The following PALM2AKAP2 variants were observed in gnomAD, a reference collection of about 807,000 sequenced individuals.
PALM2AKAP2 encodes PALM2 and AKAP2 fusion.
PALM2AKAP2 carries 37 observed loss-of-function variants against 71.5 expected under a neutral mutation model. The ratio of observed to expected loss-of-function variants is 0.52; its 90% CI spans 0.40 to 0.68. The LOEUF is 0.68. PALM2AKAP2 is among the 30% of genes least tolerant of loss of function. The pLI is 0.00. For missense variants in PALM2AKAP2, 1,224 were observed against 1,191.8 expected, an observed-to-expected ratio of 1.03 and a Z score of -0.40; for synonymous variants, 468 against 478.8, an observed-to-expected ratio of 0.98 and a Z score of 0.29.
intron 1 of PALM2AKAP2, among the ~76,000 whole-genome samples, chr9:110,092,653 T>C (rs1201228211): frequency 6.6e-6 from 1 of 152,156 alleles, no homozygotes; most frequent in Non-Finnish European, 1.5e-5. Flanking sequence ...ATAAGTGGAA[T>C]TTATTGGCTA....
chr9:110,023,371 A>G (rs1833111859), intron 7 of PALM2AKAP2, among the ~76,000 whole-genome samples: 1 of 132,218 alleles, frequency 7.6e-6, no homozygotes, highest in South Asian at 2.4e-4. Context: ...CTGGAGTGCA[A>G]TGACGCCATC....
intron 1 of PALM2AKAP2, among the ~76,000 whole-genome samples, chr9:109,843,451 A>T (rs548337045): frequency 6.6e-6 from 1 of 151,876 alleles, no homozygotes; most frequent in East Asian, 1.9e-4. Context: ...GCCTATTTTG[A>T]TGTATAATTC....
At chr9:109,682,033 T>G (rs1185979335) in intron 1 of PALM2AKAP2, among the ~76,000 whole-genome samples, 1 of 152,192 alleles carries the variant, frequency 6.6e-6, no homozygotes, top group Non-Finnish European at 1.5e-5. Context: ...ATCATAGTAG[T>G]GGTTCCTGGT....
chr9:109,792,365 G>A (rs191119926), intron 1 of PALM2AKAP2, among the ~76,000 whole-genome samples: 1 of 152,320 alleles, frequency 6.6e-6, no homozygotes, highest in East Asian at 1.9e-4. Flanking sequence ...GGGCTCAAGC[G>A]ATCCTTCCAC....
chr9:110,002,104 A>G (rs574970692), intron 6 of PALM2AKAP2, among the ~76,000 whole-genome samples: 7 of 152,062 alleles, frequency 4.6e-5, no homozygotes, highest in Non-Finnish European at 7.4e-5. Context: ...GTTTTCAAAG[A>G]GAATGCTTCC....
chr9:109,656,142 G>A (rs1406736791), intron 1 of PALM2AKAP2, among the ~76,000 whole-genome samples: 1 of 152,178 alleles, frequency 6.6e-6, no homozygotes, highest in African/African-American at 2.4e-5. Flanking sequence ...GGGGCAAAAA[G>A]TGGGTATGGG....
chr9:109,689,540 G>A (rs533716112), intron 1 of PALM2AKAP2, among the ~76,000 whole-genome samples: 39 of 152,296 alleles, frequency 2.6e-4, no homozygotes, highest in African/African-American at 8.9e-4. Context: ...AGATCCCAAC[G>A]TGAGATGGGT....
At chr9:109,737,038 G>A (rs72750870) in intron 1 of PALM2AKAP2, among the ~76,000 whole-genome samples, 19,969 of 152,218 alleles carry the variant, frequency 0.13, 1,478 homozygotes, top group Admixed American at 0.19. Flanking sequence ...TATAAGGACA[G>A]CATAGTGTAA....
At chr9:109,873,152 AC>A (rs1829644335) in intron 2 of PALM2AKAP2, among the ~76,000 whole-genome samples, 1 of 152,218 alleles carries the variant, frequency 6.6e-6, no homozygotes, top group Non-Finnish European at 1.5e-5. Context: ...GCTGAGTTTA[AC>A]CCACTTTCTG....
At chr9:109,674,600 T>C (rs1185569402) in intron 1 of PALM2AKAP2, among the ~76,000 whole-genome samples, 1 of 152,022 alleles carries the variant, frequency 6.6e-6, no homozygotes, top group East Asian at 1.9e-4. Context: ...GTGGACCTTT[T>C]GGGGGTTTAA....
intron 1 of PALM2AKAP2, among the ~76,000 whole-genome samples, chr9:110,091,698 A>C (rs138681547): frequency 2.0e-5 from 3 of 151,910 alleles, no homozygotes; most frequent in African/African-American, 7.2e-5. Context: ...TCCTGACCTC[A>C]TGATCTGCCC....
intron 6 of PALM2AKAP2, among the ~76,000 whole-genome samples, chr9:109,965,100 C>T (rs35427851): frequency 0.043 from 6,549 of 152,250 alleles, 285 homozygotes; most frequent in East Asian, 0.17. Context: ...GCAGAATCCT[C>T]AGGAAAACAG....
intron 1 of PALM2AKAP2, among the ~76,000 whole-genome samples, chr9:109,842,927 G>A (rs2795053): frequency 0.071 from 10,806 of 152,044 alleles, 513 homozygotes; most frequent in Non-Finnish European, 0.11. Flanking sequence ...GATCACCTGA[G>A]GTCGGGAGTT....
chr9:109,783,192 G>A (rs1256682189), intron 1 of PALM2AKAP2, among the ~76,000 whole-genome samples: 1 of 152,162 alleles, frequency 6.6e-6, no homozygotes, highest in Non-Finnish European at 1.5e-5. Context: ...AGTTAGGATG[G>A]AGGTGAAGCA....
Position 109,960,555 on chromosome 9 carries a change from A to T in PALM2AKAP2, c.496+28527A>T, listed in dbSNP as rs539166502. On this transcript the variant is annotated intron_variant, in intron 6 of 9. Coordinates refer to the PALM2AKAP2 transcript ENST00000302798. ...CTACACAGGAGGCTGAGGCAGGAGG[A>T]TTGCTTGAGCACAGGAATTTAAGTC... 3.9e-5 allele frequency among the ~76,000 whole-genome samples: 6 copies of T among 152,294 alleles called. No individual in the cohort carries two copies. In the South Asian group the frequency reaches 1.2e-3, roughly 32 times the overall value.
chr9:109,980,282 T>G (rs944805250), intron 6 of PALM2AKAP2, among the ~76,000 whole-genome samples: 9 of 152,146 alleles, frequency 5.9e-5, no homozygotes, highest in Non-Finnish European at 2.9e-5. Flanking sequence ...CTTTCCTCAG[T>G]GAAAGAATGG....
rs113154249 is a variant in PALM2AKAP2, at chr9:110,027,030, G to A, written c.582+10991G>A. ...TGCACTCCAGCCTGGGTAATAGAGC[G>A]AGATGCAGTCTCAAAAACAAAAACA... On this transcript the variant is annotated intron_variant, in intron 7 of 9. Transcript: ENST00000302798. Among the ~76,000 whole-genome samples the A allele has an allele frequency of 3.9e-5, 6 of 152,242 alleles. 1 individual carries two copies. Among genetic ancestry groups the A allele is most frequent in the East Asian group, 1.9e-4 (1 of 5,180 alleles).
intron 3 of PALM2AKAP2, among the ~76,000 whole-genome samples, chr9:109,887,685 GC>G (rs35104652): frequency 0.75 from 113,251 of 151,578 alleles, 43,107 homozygotes; most frequent in East Asian, 0.82. Context: ...GTAACTTGCT[GC>G]CCCCCCCTAA....
At chr9:110,094,234 C>T (rs889487398) in intron 1 of PALM2AKAP2, among the ~76,000 whole-genome samples, 26 of 152,280 alleles carry the variant, frequency 1.7e-4, no homozygotes, top group Middle Eastern at 3.4e-3. Flanking sequence ...ATGTCTAATA[C>T]CACAATGCAC....
Sources: allele counts gnomAD v4.1 joint callset (sites outside exome capture counted in the v4.1 genomes callset), GRCh38; gene constraint gnomAD v4.1.1; transcripts MANE v1.5; gene names NCBI Gene and HGNC (gene_info 2026-07-23, HGNC 2026-07-21).